The following CALN1 variants were observed in gnomAD, a reference collection of about 807,000 sequenced individuals.
CALN1 encodes the protein calneuron 1, also known as calcium-binding protein 8.
In CALN1, 17 loss-of-function variants were observed where a neutral mutation model predicts 30.6. The ratio of observed to expected loss-of-function variants is 0.56; its 90% CI spans 0.38 to 0.83. CALN1 has a LOEUF of 0.83. Among genes scored for constraint, CALN1 ranks in the 40% least tolerant of loss-of-function variants. The pLI is 0.00. For missense variants in CALN1, 291 were observed against 354.9 expected (o/e 0.82, Z 1.45); for synonymous variants, 156 against 131.4 (o/e 1.19, Z -1.28).
At chr7:72,488,092 G>A in the CALN1 span, among the ~76,000 whole-genome samples, 1 of 151,836 alleles carries the variant, frequency 6.6e-6, no homozygotes, top group Non-Finnish European at 1.5e-5. Flanking sequence ...AACACTTTGG[G>A]AGGCCAAGGT....
intron 4 of CALN1, among the ~76,000 whole-genome samples, chr7:72,040,142 A>G (rs1410563742): frequency 6.6e-6 from 1 of 152,162 alleles, no homozygotes; most frequent in African/African-American, 2.4e-5. Flanking sequence ...TTTCCCAAGG[A>G]AATTCTTTTG....
chr7:72,281,875 G>T (rs1304079824), intron 2 of CALN1, among the ~76,000 whole-genome samples: 1 of 152,096 alleles, frequency 6.6e-6, no homozygotes, highest in Non-Finnish European at 1.5e-5. Flanking sequence ...TAAATGTTGA[G>T]TACTTTGCAG....
At chr7:72,125,734 T>C (rs1808704451) in intron 3 of CALN1, among the ~76,000 whole-genome samples, 1 of 151,766 alleles carries the variant, frequency 6.6e-6, no homozygotes, top group African/African-American at 2.4e-5. Flanking sequence ...ACTCAATATG[T>C]AGTCTTTTAC....
chr7:71,954,112 C>A (rs1264818560), intron 5 of CALN1, among the ~76,000 whole-genome samples: 3 of 152,076 alleles, frequency 2.0e-5, no homozygotes, highest in Admixed American at 6.6e-5. Context: ...TTGCTTGAGG[C>A]TAGGAATTTG....
intron 2 of CALN1, among the ~76,000 whole-genome samples, chr7:72,330,825 A>G (rs1801623957): frequency 6.6e-6 from 1 of 152,142 alleles, no homozygotes; most frequent in Admixed American, 6.5e-5. Flanking sequence ...GGTCATGGAG[A>G]GCTGCCCACA....
At chr7:71,824,319 G>A (rs1447887790) in intron 5 of CALN1, among the ~76,000 whole-genome samples, 1 of 152,068 alleles carries the variant, frequency 6.6e-6, no homozygotes, top group Admixed American at 6.6e-5. Context: ...CAAAATCCAG[G>A]AGAAGGCCAG....
chr7:72,376,611 A>T (rs1205394927), intron 2 of CALN1, among the ~76,000 whole-genome samples: 1 of 152,172 alleles, frequency 6.6e-6, no homozygotes, highest in Non-Finnish European at 1.5e-5. Flanking sequence ...ACATTTGACC[A>T]TTATAATGTA....
chr7:71,849,436 ATTTTTT>A (rs3063933), intron 5 of CALN1, among the ~76,000 whole-genome samples: 1 of 140,258 alleles, frequency 7.1e-6, no homozygotes, highest in African/African-American at 2.6e-5. Flanking sequence ...GGATCTTCCT[ATTTTTT>A]TTTTTTTTTG....
intron 4 of CALN1, among the ~76,000 whole-genome samples, chr7:72,069,641 C>G (rs566469932): frequency 3.3e-5 from 5 of 152,108 alleles, no homozygotes; most frequent in African/African-American, 9.7e-5. Flanking sequence ...TAGAACCCAC[C>G]CTGATTATCC....
chr7:72,192,625 TTTATTATTATTATTATTATTATTA>T (rs140672013), intron 3 of CALN1, among the ~76,000 whole-genome samples: 24,965 of 143,792 alleles, frequency 0.17, 2,743 homozygotes, highest in East Asian at 0.28. Flanking sequence ...TCCCATTTCT[TTTATTATTATTATTATTATTATTA>T]TTATTATTAT....
At chr7:72,260,966 C>T (rs1043770372) in intron 3 of CALN1, among the ~76,000 whole-genome samples, 1 of 152,098 alleles carries the variant, frequency 6.6e-6, no homozygotes, top group Admixed American at 6.6e-5. Flanking sequence ...TCACTGGATA[C>T]GAGCAGAGTA....
At chr7:72,453,366 C>T in the CALN1 span, among the ~76,000 whole-genome samples, 1 of 152,170 alleles carries the variant, frequency 6.6e-6, no homozygotes, top group Non-Finnish European at 1.5e-5. Context: ...TAATTACATG[C>T]AAATTAAGGG....
At chr7:72,415,614 C>A (rs1484284957), upstream of CALN1, among the ~76,000 whole-genome samples, 1 of 152,226 alleles carries the variant, frequency 6.6e-6, no homozygotes, top group Admixed American at 6.5e-5. Context: ...ATAACAAACA[C>A]ACAAGTAAAC....
chr7:71,971,979 AAGAAAGAAAGAAAGAG>A (rs1344016904), intron 5 of CALN1, among the ~76,000 whole-genome samples: 12 of 142,644 alleles, frequency 8.4e-5, no homozygotes, highest in African/African-American at 2.9e-4. Flanking sequence ...GAAAGAAAGA[AAGAAAGAAAGAAAGAG>A]AAAGAAAGAA....
At chr7:72,198,561 C>T (rs1235317872) in intron 3 of CALN1, among the ~76,000 whole-genome samples, 1 of 152,126 alleles carries the variant, frequency 6.6e-6, no homozygotes, top group African/African-American at 2.4e-5. Flanking sequence ...CCCTCCCTCC[C>T]TTCTCTTTCC....
intron 1 of CALN1, among the ~76,000 whole-genome samples, chr7:72,409,533 C>T (rs1806965404): frequency 6.6e-6 from 1 of 151,472 alleles, no homozygotes; most frequent in East Asian, 2.0e-4. Context: ...GCGTCTGTGG[C>T]CTTCAGCAAC....
intron 3 of CALN1, among the ~76,000 whole-genome samples, chr7:72,259,098 TTA>T (rs113229295): frequency 1.5e-4 from 22 of 147,684 alleles, no homozygotes; most frequent in African/African-American, 2.5e-4. Context: ...AATATATTAT[TTA>T]TATATATATA....
At chr7:72,094,653 A>G (rs142151314) in intron 4 of CALN1, among the ~76,000 whole-genome samples, 1 of 152,202 alleles carries the variant, frequency 6.6e-6, no homozygotes, top group South Asian at 2.1e-4. Flanking sequence ...GTCAGTGTTA[A>G]TAAGATGGAG....
intron 5 of CALN1, among the ~76,000 whole-genome samples, chr7:71,970,023 C>G (rs1797717824): frequency 6.6e-6 from 1 of 152,022 alleles, no homozygotes; most frequent in Admixed American, 6.6e-5. Context: ...GAGGGTCTCA[C>G]CATGTTGCCT....
Sources: allele counts gnomAD v4.1 joint callset (sites outside exome capture counted in the v4.1 genomes callset), GRCh38; gene constraint gnomAD v4.1.1; transcripts MANE v1.5; gene names NCBI Gene and HGNC (gene_info 2026-07-23, HGNC 2026-07-21).